Variants in SLC11A2 observed in about 807,000 individuals in gnomAD.
SLC11A2 encodes the protein natural resistance-associated macrophage protein 2.
In SLC11A2, 38 loss-of-function variants were observed where a neutral mutation model predicts 68.0. The observed-to-expected ratio is 0.56, with a 90% CI of 0.43 to 0.73. SLC11A2 has a LOEUF of 0.73. Among genes scored for constraint, SLC11A2 ranks in the 30% least tolerant of loss-of-function variants. SLC11A2 has a pLI of 0.00. For synonymous variants in SLC11A2, 242 were observed against 250.6 expected (o/e 0.97, Z 0.32); for missense variants, 517 against 690.5 (o/e 0.75, Z 2.82).
the SLC11A2 span, among the ~76,000 whole-genome samples, chr12:50,956,152 C>T: frequency 1.3e-5 from 2 of 152,168 alleles, no homozygotes; most frequent in African/African-American, 4.8e-5. Context: ...AACACTTTGG[C>T]AGGCCAAGGT....
chr12:51,005,958 C>A (rs1942685987), intron 3 of SLC11A2: 3 of 300,386 alleles, frequency 1.0e-5, no homozygotes, highest in Non-Finnish European at 1.9e-5. Context: ...CCTCATTATA[C>A]TCCCGTCCCT....
At chr12:50,997,232 T>C (rs1418335328) in intron 8 of SLC11A2, among the ~76,000 whole-genome samples, 2 of 152,060 alleles carry the variant, frequency 1.3e-5, no homozygotes, top group Admixed American at 1.3e-4. Flanking sequence ...CCACCACACC[T>C]GGCCAAAATC....
chr12:51,010,076 C>T lies in SLC11A2; in HGVS notation c.34+619G>A, dbSNP rs60167482. On this transcript the variant is annotated intron_variant, in intron 2 of 15. Transcript: ENST00000262052. ...GCAGGTGCCTGTAATCCCAGGTGCT[C>T]GTGATGCTGAGGCAGGAGAATCCAT... Among the ~76,000 whole-genome samples the T allele has an allele frequency of 7.0e-3, 1,069 of 151,854 alleles. 20 individuals carry two copies. Among genetic ancestry groups the T allele is most frequent in the African/African-American group, 0.024 (995 of 41,400 alleles).
At chr12:51,013,566 GGGCACTGTTTAA>G (rs1410063351) in intron 1 of SLC11A2, among the ~76,000 whole-genome samples, 2 of 151,520 alleles carry the variant, frequency 1.3e-5, no homozygotes, top group Non-Finnish European at 2.9e-5. Context: ...AAAATCAGCT[GGGCACTGTTTAA>G]GGCACTGGAA....
At chr12:50,962,821 G>C in the SLC11A2 span, among the ~76,000 whole-genome samples, 111 of 152,244 alleles carry the variant, frequency 7.3e-4, no homozygotes, top group East Asian at 0.016. Flanking sequence ...CCAAGAATAA[G>C]GAGGAATTAA....
At chr12:50,993,075 G>T in intron 11 of SLC11A2, 146 bp from the exon 12 acceptor site, 1 of 924,542 alleles carries the variant, frequency 1.1e-6, no homozygotes, top group Non-Finnish European at 1.7e-6. Flanking sequence ...CCAGAAGCTA[G>T]GCTCAAGTCT....
intron 1 of SLC11A2, among the ~76,000 whole-genome samples, chr12:51,015,074 C>T (rs1411346841): frequency 6.6e-6 from 1 of 151,846 alleles, no homozygotes; most frequent in Non-Finnish European, 1.5e-5. Context: ...GCGGGAGAAT[C>T]GCTTGAACCC....
chr12:50,992,166 G>A (rs777602266), intron 13 of SLC11A2, 24 bp downstream of exon 13: 3 of 1,612,944 alleles, frequency 1.9e-6, no homozygotes, highest in Non-Finnish European at 1.7e-6. Context: ...TAACTAGGAT[G>A]TGTTTCCTCA....
At chr12:51,014,343 C>T (rs543183388) in intron 1 of SLC11A2, 38 of 152,268 alleles carry the variant, frequency 2.5e-4, no homozygotes, top group African/African-American at 8.9e-4. Flanking sequence ...AGAAATATTT[C>T]ATGATAAAAT....
In SLC11A2 at chr12:51,003,493, T is replaced by G. The variant is rs185154794; in HGVS notation, c.429+1295A>C. Reference sequence around the variant, plus strand: ...GCAAGAAGCAGAGGCTGTAGTGAGCTGAGATCACACCACTGAACTCTGAAC... The same window carrying G: ...GCAAGAAGCAGAGGCTGTAGTGAGCGGAGATCACACCACTGAACTCTGAAC... On this transcript the variant is annotated intron_variant, in intron 5 of 15. Transcript: ENST00000262052. 4.1e-3 allele frequency among the ~76,000 whole-genome samples: 625 copies of G among 150,610 alleles called. 2 individuals are homozygous for G. Among genetic ancestry groups the G allele is most frequent in the Non-Finnish European group, 6.5e-3 (441 of 67,780 alleles).
chr12:50,971,537 T>C, the SLC11A2 span, among the ~76,000 whole-genome samples: 2 of 152,202 alleles, frequency 1.3e-5, no homozygotes, highest in African/African-American at 4.8e-5. Flanking sequence ...TACGACACTG[T>C]AGAAAACACA....
chr12:51,013,729 G>A (rs1416016938), intron 1 of SLC11A2, among the ~76,000 whole-genome samples: 1 of 151,922 alleles, frequency 6.6e-6, no homozygotes, highest in Admixed American at 6.6e-5. Flanking sequence ...ACACAGCGAG[G>A]CCTTGTCTAA....
rs537388261 is a variant in SLC11A2 at position 50,987,336 on chromosome 12, T to C, written c.*989A>G. 1.6e-6 allele frequency: 2 copies of C among 1,287,252 alleles called. No individual in the cohort carries two copies. The highest frequency in any genetic ancestry group is 2.0e-6 in the Non-Finnish European group (2 of 988,708). The allele number at this position is 1,287,252 out of a possible 1,614,324, so 79.7% of individuals were successfully genotyped here. A position where few individuals can be genotyped will look rare whatever the true frequency, so the allele number is the denominator to read the frequency against. ...CCTGAGATTGCCTCGCAAGTCATCT[T>C]GGGCATGAAGCAGAGCGGTGCATCA... On this transcript the variant is annotated 3_prime_UTR_variant, in exon 16 of 16. Transcript: ENST00000262052.
intron 1 of SLC11A2, chr12:51,024,885 C>G (rs769392329): frequency 6.6e-5 from 10 of 152,186 alleles, no homozygotes; most frequent in Non-Finnish European, 1.3e-4. Context: ...ACTGCCATTC[C>G]GGAAACATGA....
At chr12:50,978,056 G>C (rs1436311490), downstream of SLC11A2, among the ~76,000 whole-genome samples, 1 of 152,154 alleles carries the variant, frequency 6.6e-6, no homozygotes, top group Non-Finnish European at 1.5e-5. Flanking sequence ...ACTGTAAACT[G>C]GTTCAACCAT....
At chr12:51,003,860 A>G (rs1942490369) in intron 5 of SLC11A2, among the ~76,000 whole-genome samples, 1 of 151,772 alleles carries the variant, frequency 6.6e-6, no homozygotes, top group Non-Finnish European at 1.5e-5. Flanking sequence ...GAATCGCTTG[A>G]GCCTGGGAGG....
At chr12:50,965,042 C>T in the SLC11A2 span, among the ~76,000 whole-genome samples, 1 of 152,000 alleles carries the variant, frequency 6.6e-6, no homozygotes, top group African/African-American at 2.4e-5. Context: ...TCTTTGAAGT[C>T]CTTGATGATG....
At chr12:51,010,836 T>C in intron 1 of SLC11A2, 70 bp from the exon 2 acceptor site, 2 of 762,032 alleles carry the variant, frequency 2.6e-6, no homozygotes, top group Non-Finnish European at 4.5e-6. Flanking sequence ...CAGCAGTTTG[T>C]TACTCTGTAT....
In SLC11A2 at chr12:51,004,785, C is replaced by T. The variant is rs772116399; in HGVS notation, c.429+3G>A. 7.4e-6 allele frequency: 12 copies of T among 1,613,784 alleles called. No individual in the cohort carries two copies. The South Asian group carries it at 8.8e-5, about 12-fold the overall frequency. On this transcript the variant is annotated splice_donor_region_variant and intron_variant, in intron 5 of 15. Transcript: ENST00000262052. ...GAGACAAACAGGACAATACATTGCT[C>T]ACCTTGGGATACTGACGGTGACATA...
Sources: gnomAD v4.1 joint callset for allele counts (sites outside exome capture counted in the v4.1 genomes callset) on GRCh38, gnomAD v4.1.1 for gene constraint, MANE v1.5 for transcripts, NCBI Gene and HGNC (gene_info 2026-07-23, HGNC 2026-07-21) for gene names.